NCLN: variants seen among roughly 807,000 people sequenced by gnomAD.
The protein encoded by NCLN is BOS complex subunit NCLN.
In NCLN, 34 loss-of-function variants were observed where a neutral mutation model predicts 69.5. The ratio of observed to expected loss-of-function variants is 0.49; its 90% confidence interval spans 0.37 to 0.65. NCLN has a LOEUF of 0.65. Among genes scored for constraint, NCLN ranks in the 30% least tolerant of loss-of-function variants. The pLI is 0.00. For synonymous variants in NCLN, 393 were observed against 358.3 expected, an observed-to-expected ratio of 1.10 and a Z score of -1.09; for missense variants, 710 against 804.8, an observed-to-expected ratio of 0.88 and a Z score of 1.42.
chr19:3,190,306 C>T (rs1274792426), intron 1 of NCLN, among the ~76,000 whole-genome samples: 1 of 152,138 alleles, frequency 6.6e-6, no homozygotes, highest in Non-Finnish European at 1.5e-5. Context: ...GCCTGGGGTG[C>T]GTGGGCCCCT....
chr19:3,203,510 T>C (rs926164032), intron 6 of NCLN, among the ~76,000 whole-genome samples: 5 of 152,036 alleles, frequency 3.3e-5, no homozygotes, highest in Admixed American at 6.6e-5. Flanking sequence ...GCTCCCGGTA[T>C]GGGGTGGGTG....
In NCLN at chr19:3,207,776, G is replaced by A; in HGVS notation, c.*88G>A. 1 of 1,186,962 alleles carries A rather than the reference G, an allele frequency of 8.4e-7. No homozygotes were observed. Among genetic ancestry groups the A allele is most frequent in the Non-Finnish European group, 1.2e-6 (1 of 804,466 alleles). 73.5% of individuals were successfully genotyped at this position (1,186,962 alleles called of 1,614,324 possible). ...AGTGGACACTGCCCCGCCGCGGGCGGCCCTGCAGGGACAGGGGCCCTCTCC... is the reference window on the plus strand; with the variant it reads ...AGTGGACACTGCCCCGCCGCGGGCGACCCTGCAGGGACAGGGGCCCTCTCC... On this transcript the variant is annotated 3_prime_UTR_variant, in exon 15 of 15. Transcript: ENST00000246117.
At chr19:3,195,248 T>C (rs1012555324) in intron 3 of NCLN, among the ~76,000 whole-genome samples, 16 of 151,840 alleles carry the variant, frequency 1.1e-4, no homozygotes, top group Non-Finnish European at 2.4e-4. Flanking sequence ...TCTTTTTGTT[T>C]TGTTTTGTTT....
At chr19:3,203,707 C>T (rs370774416) in intron 6 of NCLN, 49 bp from the exon 7 acceptor site, 42 of 1,533,284 alleles carry the variant, frequency 2.7e-5, no homozygotes, top group Non-Finnish European at 3.5e-5. Context: ...GTCCCTCCTC[C>T]ACCCCAGGCG....
intron 4 of NCLN, 40 bp from the exon 5 acceptor site, chr19:3,198,777 C>T: frequency 6.5e-7 from 1 of 1,536,616 alleles, no homozygotes; most frequent in Admixed American, 1.8e-5. Context: ...GTCACCTGCC[C>T]CAGGAACAGC....
At chr19:3,186,920 C>T (rs938124094) in intron 1 of NCLN, among the ~76,000 whole-genome samples, 1 of 152,106 alleles carries the variant, frequency 6.6e-6, no homozygotes. Flanking sequence ...ACATTTGTCC[C>T]CAGACCCCTG....
Position 3,205,762 on chromosome 19 carries a change from C to T in NCLN, c.1209-177C>T, listed in dbSNP as rs1916246930. ...GCAAGGGGCCTGGAGGTGTGGGGCC[C>T]CCAGTGAATCTGCATCTACATGTTA... On this transcript the variant is annotated intron_variant, in intron 9 of 14. Transcript: ENST00000246117. This position sits in a 1 kb window ranked among gnomAD's most constrained non-coding sequence, Gnocchi z 4.6. 3.1e-6 allele frequency: 2 copies of T among 637,280 alleles called. No homozygotes were observed. The highest frequency in any genetic ancestry group is 3.9e-5 in the South Asian group (2 of 50,822). 39.5% of individuals were successfully genotyped at this position (637,280 alleles called of 1,614,324 possible). A position where few individuals can be genotyped will look rare whatever the true frequency, so the allele number is the denominator to read the frequency against.
intron 5 of NCLN, among the ~76,000 whole-genome samples, chr19:3,200,269 C>T (rs997567272): frequency 1.3e-5 from 2 of 150,874 alleles, no homozygotes; most frequent in African/African-American, 2.4e-5. Flanking sequence ...TCCTCATTGT[C>T]CCCTATGAAG....
At chr19:3,201,943 A>G (rs1407134060) in intron 6 of NCLN, among the ~76,000 whole-genome samples, 1 of 151,148 alleles carries the variant, frequency 6.6e-6, no homozygotes, top group African/African-American at 2.4e-5. Flanking sequence ...TCGGGGCCGG[A>G]TTTTTCGCTG....
rs779305762 is a variant in NCLN at position 3,196,261 on chromosome 19, T to C, written c.599T>C (p.Leu200Pro). The C allele has an allele frequency of 6.4e-7, 1 of 1,550,432 alleles. No homozygotes were observed. Among genetic ancestry groups the C allele is most frequent in the African/African-American group, 1.4e-5 (1 of 73,246 alleles). The change falls in exon 4 of 15, where the codon CTG becomes CCG. Residue 200 changes from leucine (L) to proline (P), a missense_variant. Physicochemically the swap from Leu to Pro is moderately conservative, Grantham distance 98. Transcript: ENST00000246117. ...GVQSKAVSDW[L>P]IASVEGRLTG... is the part of the protein sequence containing the mutation. ...CAGAGCAAGGCCGTGAGTGACTGGC[T>C]GATTGCCAGCGTGGAGGTGAGTGCC...
At position 3,198,500 on chromosome 19, in the gene NCLN, C is replaced by T. The variant is rs574542253; in HGVS notation, c.616-317C>T. Among the ~76,000 whole-genome samples the T allele has an allele frequency of 3.0e-4, 45 of 148,134 alleles. 1 individual carries two copies. In the Middle Eastern group the frequency reaches 0.014, roughly 45 times the overall value. ...CCAGCCTGGGCGACAGAGTGAGATT[C>T]CGTCTCAAAAAAAAAAAAAAAAACA... On this transcript the variant is annotated intron_variant, in intron 4 of 14. Transcript: ENST00000246117.
Position 3,193,267 on chromosome 19 carries a change from G to A in NCLN, c.376-17G>A, listed in dbSNP as rs1915876739. 1 of 1,602,744 alleles carries A rather than the reference G, an allele frequency of 6.2e-7. No homozygotes were observed. The highest frequency in any genetic ancestry group is 8.5e-7 in the Non-Finnish European group (1 of 1,176,544). Reference sequence around the variant, plus strand: ...CCACCAGGCCAGCAGCCCCCTAAGTGTGTGTCTGCTCCACAGCAATTCATG... The same window carrying A: ...CCACCAGGCCAGCAGCCCCCTAAGTATGTGTCTGCTCCACAGCAATTCATG... On this transcript the variant is annotated splice_polypyrimidine_tract_variant and intron_variant, in intron 2 of 14. Transcript: ENST00000246117.
intron 5 of NCLN, among the ~76,000 whole-genome samples, chr19:3,199,689 CTTT>C (rs71164662): frequency 2.9e-5 from 2 of 69,522 alleles, no homozygotes; most frequent in African/African-American, 6.9e-5. Flanking sequence ...CTGCCTCCTC[CTTT>C]TTTTTTTTTT....
intron 14 of NCLN, 70 bp from the exon 15 acceptor site, chr19:3,207,559 C>T (rs960497705): frequency 1.6e-5 from 26 of 1,607,498 alleles, no homozygotes; most frequent in Non-Finnish European, 2.0e-5. Flanking sequence ...GCCCCTGGCT[C>T]AGCCTAGAGT....
rs1369807018 is a variant in NCLN at position 3,207,266 on chromosome 19, G to A, written c.1553+15G>A. 1.2e-6 allele frequency: 2 copies of A among 1,613,612 alleles called. No individual in the cohort carries two copies. ...AATGCGTACAGGTGAGTGGTGGCCA[G>A]CGGGACCTGGAGCCCTTCACCCCCT... is the stretch of plus-strand genomic sequence containing the variant. On this transcript the variant is annotated intron_variant, in intron 13 of 14. Coordinates refer to ENST00000246117, the MANE Select transcript of NCLN (RefSeq NM_020170.4).
chr19:3,195,575 T>C (rs932896866), intron 3 of NCLN, among the ~76,000 whole-genome samples: 19 of 152,110 alleles, frequency 1.2e-4, no homozygotes, highest in Admixed American at 6.5e-5. Flanking sequence ...CCTATGATGA[T>C]TGTGTTTTCA....
chr19:3,205,838 T>C lies in NCLN; in HGVS notation c.1209-101T>C. 2 of 986,780 alleles carry C rather than the reference T, an allele frequency of 2.0e-6. No homozygotes were observed. Among genetic ancestry groups the C allele is most frequent in the East Asian group, 2.4e-5 (1 of 40,902 alleles). 61.1% of individuals were successfully genotyped at this position (986,780 alleles called of 1,614,324 possible). On this transcript the variant is annotated intron_variant, in intron 9 of 14. Transcript: ENST00000246117. The surrounding 1 kb of genome is among the most constrained non-coding windows in gnomAD (Gnocchi z 4.6). Reference sequence around the variant, plus strand: ...TTTTTTTTTTTTTTTAAAGACAGAGTCTCACGGTCTCCTAGGCTGGAGTGC... The same window carrying C: ...TTTTTTTTTTTTTTTAAAGACAGAGCCTCACGGTCTCCTAGGCTGGAGTGC...
Position 3,207,610 on chromosome 19 carries a change from C to T in NCLN, c.1633-19C>T. The T allele has an allele frequency of 6.2e-7, 1 of 1,612,482 alleles. No homozygotes were observed. Among genetic ancestry groups the T allele is most frequent in the Non-Finnish European group, 8.5e-7 (1 of 1,179,582 alleles). On this transcript the variant is annotated intron_variant, in intron 14 of 14. Transcript: ENST00000246117. ...TCTGGCCCCGCCCACATCCTCACTC[C>T]CTCCTGCTGTGTCCCCAGCACTTCA...
At chr19:3,186,294 C>A in intron 1 of NCLN, 80 bp downstream of exon 1, 1 of 1,351,476 alleles carries the variant, frequency 7.4e-7, no homozygotes, top group South Asian at 1.6e-5. Context: ...CCAGGCCGAT[C>A]CCTAGCTCCG....
Sources: allele counts gnomAD v4.1 joint callset (sites outside exome capture counted in the v4.1 genomes callset), GRCh38; gene constraint gnomAD v4.1.1; non-coding constraint Gnocchi (gnomAD v3.1); transcripts MANE v1.5; gene names NCBI Gene and HGNC (gene_info 2026-07-23, HGNC 2026-07-21).